Variants in PTK2 observed in about 807,000 individuals in gnomAD.
PTK2 encodes focal adhesion kinase 1.
PTK2 carries 45 observed loss-of-function variants against 150.1 expected under a neutral mutation model. The ratio of observed to expected loss-of-function variants is 0.30; its 90% CI spans 0.24 to 0.38. The LOEUF is 0.38. Among genes scored for constraint, PTK2 ranks in the 10% least tolerant of loss-of-function variants. PTK2 has a pLI of 1.00. For synonymous variants in PTK2, 432 were observed against 449.2 expected (o/e 0.96, Z 0.48); for missense variants, 919 against 1,307.3 (o/e 0.70, Z 4.58).
At chr8:140,969,313 G>A (rs927263845) in intron 1 of PTK2, among the ~76,000 whole-genome samples, 2 of 152,068 alleles carry the variant, frequency 1.3e-5, no homozygotes, top group Non-Finnish European at 2.9e-5. Context: ...ATACTGAGAT[G>A]ACACAAAGGT....
At chr8:140,791,619 T>C (rs1379618321) in intron 13 of PTK2, among the ~76,000 whole-genome samples, 1 of 152,140 alleles carries the variant, frequency 6.6e-6, no homozygotes, top group Non-Finnish European at 1.5e-5. Flanking sequence ...TGGTAATTAA[T>C]AACTAGAAAC....
rs548200892 is a variant in PTK2, at chr8:140,873,983, C to T, written c.362+5488G>A. ...TCTTCCTATCCCAGGGCCAGAGATA[C>T]ATTCAACTATACTTCCCACTAAACT... On this transcript the variant is annotated intron_variant, in intron 4 of 31. Transcript: ENST00000522684. 6.6e-5 allele frequency among the ~76,000 whole-genome samples: 10 copies of T among 152,342 alleles called. No homozygotes were observed. In the South Asian group the frequency reaches 1.0e-3, roughly 16 times the overall value.
chr8:140,666,470 A>C (rs2091847627), intron 30 of PTK2, among the ~76,000 whole-genome samples: 1 of 152,210 alleles, frequency 6.6e-6, no homozygotes, highest in South Asian at 2.1e-4. Flanking sequence ...TTTCCAAAAA[A>C]GATACACAAA....
chr8:140,697,850 C>T (rs1360823064), intron 26 of PTK2, among the ~76,000 whole-genome samples: 14 of 65,316 alleles, frequency 2.1e-4, no homozygotes, highest in African/African-American at 8.2e-4. Flanking sequence ...TTAGGGTTTA[C>T]TGTTTTTTTT....
intron 31 of PTK2, among the ~76,000 whole-genome samples, chr8:140,661,490 T>C (rs558293540): frequency 1.1e-4 from 16 of 152,328 alleles, no homozygotes; most frequent in Admixed American, 1.0e-3. Flanking sequence ...AAGCAGACCG[T>C]TCTTGCCAAT....
At chr8:140,921,954 T>C (rs147699234) in intron 2 of PTK2, among the ~76,000 whole-genome samples, 1 of 152,318 alleles carries the variant, frequency 6.6e-6, no homozygotes, top group Non-Finnish European at 1.5e-5. Flanking sequence ...GGTGCCTTTG[T>C]TCTCCGAATG....
intron 1 of PTK2, among the ~76,000 whole-genome samples, chr8:140,982,696 CTA>C (rs1569538857): frequency 6.6e-6 from 1 of 152,188 alleles, no homozygotes; most frequent in African/African-American, 2.4e-5. Context: ...AATTCCTTCC[CTA>C]TCTTTTTTAA....
At chr8:140,929,524 T>C (rs936234625) in intron 1 of PTK2, among the ~76,000 whole-genome samples, 2 of 152,004 alleles carry the variant, frequency 1.3e-5, no homozygotes, top group East Asian at 1.9e-4. Context: ...CCTAATAAAC[T>C]TGGAGGTAAT....
At chr8:140,895,074 T>C (rs2100155629) in intron 2 of PTK2, among the ~76,000 whole-genome samples, 1 of 152,126 alleles carries the variant, frequency 6.6e-6, no homozygotes, top group Non-Finnish European at 1.5e-5. Context: ...TAGACAACAA[T>C]TACAAAATAA....
intron 24 of PTK2, among the ~76,000 whole-genome samples, chr8:140,703,601 T>TAAC (rs138094979): frequency 2.0e-5 from 3 of 151,802 alleles, no homozygotes; most frequent in African/African-American, 7.3e-5. Context: ...CCAACAAGAA[T>TAAC]AACAACAACA....
rs556475951 is a variant in PTK2, at chr8:140,701,276, T to A, written c.2368-254A>T. Among the ~76,000 whole-genome samples, 3 of 152,254 alleles carry A rather than the reference T, an allele frequency of 2.0e-5. No homozygotes were observed. The South Asian group carries it at 6.2e-4, about 32-fold the overall frequency. ...TCTATTTTAAAGAAATAACACAAGATATGTGCAAAGAATACATTGTTACTT... is the reference window on the plus strand; with the variant it reads ...TCTATTTTAAAGAAATAACACAAGAAATGTGCAAAGAATACATTGTTACTT... On this transcript the variant is annotated intron_variant, in intron 25 of 31. Coordinates refer to ENST00000522684, the Ensembl canonical transcript of PTK2.
chr8:140,893,552 T>C (rs2100154928), intron 2 of PTK2, among the ~76,000 whole-genome samples: 1 of 152,284 alleles, frequency 6.6e-6, no homozygotes, highest in East Asian at 1.9e-4. Context: ...AGACCACAAA[T>C]TGTGATTCCA....
intron 2 of PTK2, among the ~76,000 whole-genome samples, chr8:140,920,617 A>G (rs1285954135): frequency 1.3e-5 from 2 of 152,194 alleles, no homozygotes; most frequent in East Asian, 3.8e-4. Flanking sequence ...TCCATAAAAA[A>G]TATTTTCATT....
intron 23 of PTK2, among the ~76,000 whole-genome samples, chr8:140,715,181 T>G (rs1478228113): frequency 3.7e-5 from 5 of 134,364 alleles, no homozygotes; most frequent in Non-Finnish European, 6.3e-5. Context: ...TTTTTTTTTT[T>G]TTTTTTTTTT....
At chr8:140,741,654 T>C (rs2100055741) in intron 20 of PTK2, among the ~76,000 whole-genome samples, 1 of 152,144 alleles carries the variant, frequency 6.6e-6, no homozygotes, top group Non-Finnish European at 1.5e-5. Flanking sequence ...CTGGCCTTTG[T>C]AAAATGGTAG....
chr8:140,834,590 G>C (rs191620003), intron 7 of PTK2, among the ~76,000 whole-genome samples: 74 of 152,230 alleles, frequency 4.9e-4, no homozygotes, highest in African/African-American at 1.6e-3. Flanking sequence ...CCCTCACTGA[G>C]ACCATATGAC....
At chr8:140,695,004 C>G (rs764636197) in intron 26 of PTK2, among the ~76,000 whole-genome samples, 17 of 152,230 alleles carry the variant, frequency 1.1e-4, no homozygotes, top group South Asian at 2.1e-4. Flanking sequence ...GTCTAAAAAT[C>G]TGCATCTCCA....
chr8:140,982,615 G>C (rs2100191868), intron 1 of PTK2, among the ~76,000 whole-genome samples: 1 of 152,046 alleles, frequency 6.6e-6, no homozygotes, highest in African/African-American at 2.4e-5. Flanking sequence ...AAGAAAGAAA[G>C]AAAGACACAG....
chr8:140,923,234 G>C (rs1379905896), intron 2 of PTK2, among the ~76,000 whole-genome samples: 1 of 152,170 alleles, frequency 6.6e-6, no homozygotes, highest in East Asian at 1.9e-4. Flanking sequence ...AGACCAGATT[G>C]AAACAGCAGC....
Sources: gnomAD v4.1 joint callset for allele counts (sites outside exome capture counted in the v4.1 genomes callset) on GRCh38, gnomAD v4.1.1 for gene constraint, MANE v1.5 for transcripts, NCBI Gene and HGNC (gene_info 2026-07-23, HGNC 2026-07-21) for gene names.